The following RALGAPA2 variants were observed in gnomAD, a reference collection of about 807,000 sequenced individuals.
The protein encoded by RALGAPA2 is Ral GTPase activating protein catalytic subunit alpha 2.
Under a neutral mutation model 230.4 loss-of-function variants are expected in RALGAPA2, and 139 were observed. That is an observed-to-expected ratio of 0.60 (90% confidence interval 0.53 to 0.69). The LOEUF is 0.69. RALGAPA2 is among the 30% of genes least tolerant of loss of function. The probability of loss-of-function intolerance (pLI) is 0.00; values close to 1 mark genes in which losing one functional copy is unlikely to be tolerated. For missense variants in RALGAPA2, 2,163 were observed against 2,276.0 expected, an observed-to-expected ratio of 0.95 and a Z score of 1.01; for synonymous variants, 847 against 837.8, an observed-to-expected ratio of 1.01 and a Z score of -0.19.
chr20:20,559,012 G>A (rs2064172866), intron 23 of RALGAPA2, among the ~76,000 whole-genome samples: 1 of 152,096 alleles, frequency 6.6e-6, no homozygotes, highest in Non-Finnish European at 1.5e-5. Context: ...AACAAAAAAT[G>A]ATTTCTGTTC....
Position 20,414,436 on chromosome 20 carries a change from C to T in RALGAPA2, c.5496-2288G>A, listed in dbSNP as rs796378833. 3.9e-5 allele frequency among the ~76,000 whole-genome samples: 6 copies of T among 152,146 alleles called. No homozygotes were observed. The South Asian group carries it at 8.3e-4, about 21-fold the overall frequency. The stretch of plus-strand genomic sequence containing the variant: ...TTTGCTAACTACTCTGCGGAAGCCA[C>T]GTATCTGGAAAGTGGCTGGCTATGT... On this transcript the variant is annotated intron_variant, in intron 37 of 39. Transcript: ENST00000202677.
intron 34 of RALGAPA2, among the ~76,000 whole-genome samples, 170 bp from the exon 35 acceptor site, chr20:20,503,676 T>TA (rs796146056): frequency 1.3e-5 from 2 of 152,234 alleles, no homozygotes; most frequent in African/African-American, 4.8e-5. Context: ...GTTAAAGAAA[T>TA]AAAAAACATT....
intron 23 of RALGAPA2, among the ~76,000 whole-genome samples, chr20:20,553,228 G>C (rs1196050873): frequency 6.6e-6 from 1 of 152,194 alleles, no homozygotes; most frequent in Non-Finnish European, 1.5e-5. Flanking sequence ...TTACAGGACA[G>C]AGTAATTGGG....
intron 1 of RALGAPA2, among the ~76,000 whole-genome samples, chr20:20,697,084 C>G (rs934457534): frequency 6.6e-6 from 1 of 152,112 alleles, no homozygotes; most frequent in African/African-American, 2.4e-5. Flanking sequence ...CCCATAAGTG[C>G]TAGGGCTTCA....
At chr20:20,646,772 T>TA (rs1444046084) in intron 4 of RALGAPA2, among the ~76,000 whole-genome samples, 4 of 152,174 alleles carry the variant, frequency 2.6e-5, no homozygotes, top group Non-Finnish European at 5.9e-5. Flanking sequence ...AATTGCATTT[T>TA]AAAAAATGCA....
At chr20:20,643,879 A>G (rs2067122406) in intron 4 of RALGAPA2, among the ~76,000 whole-genome samples, 1 of 152,204 alleles carries the variant, frequency 6.6e-6, no homozygotes, top group Non-Finnish European at 1.5e-5. Flanking sequence ...AAAATAATGT[A>G]AAACAATTGC....
intron 37 of RALGAPA2, among the ~76,000 whole-genome samples, chr20:20,456,848 T>A (rs2061133422): frequency 6.6e-6 from 1 of 152,144 alleles, no homozygotes; most frequent in Non-Finnish European, 1.5e-5. Flanking sequence ...CTTTTTTTTT[T>A]TAAGTGACAG....
chr20:20,510,629 T>G (rs1052929914), intron 33 of RALGAPA2, among the ~76,000 whole-genome samples: 11 of 152,172 alleles, frequency 7.2e-5, no homozygotes, highest in African/African-American at 2.7e-4. Context: ...CTATACTTAT[T>G]CTTGACTTAG....
chr20:20,591,070 T>C, intron 17 of RALGAPA2, 107 bp downstream of exon 17: 1 of 1,286,472 alleles, frequency 7.8e-7, no homozygotes, highest in Non-Finnish European at 1.0e-6. Context: ...GGTAATTCCC[T>C]TGAAATAAAT....
intron 1 of RALGAPA2, among the ~76,000 whole-genome samples, chr20:20,700,692 C>G (rs746083967): frequency 1.3e-5 from 2 of 152,228 alleles, no homozygotes; most frequent in Admixed American, 1.3e-4. Flanking sequence ...TTTACGAACA[C>G]CAATCTCTTC....
intron 23 of RALGAPA2, among the ~76,000 whole-genome samples, chr20:20,549,535 TG>T (rs747784844): frequency 2.6e-5 from 4 of 151,792 alleles, no homozygotes; most frequent in African/African-American, 4.8e-5. Context: ...GGAGGGTAAA[TG>T]GGGGGGTTAA....
chr20:20,560,086 G>C (rs918998549), intron 23 of RALGAPA2, among the ~76,000 whole-genome samples: 4 of 152,152 alleles, frequency 2.6e-5, no homozygotes, highest in Non-Finnish European at 4.4e-5. Flanking sequence ...TGACCTGTTA[G>C]GGGAAGGGAA....
intron 4 of RALGAPA2, among the ~76,000 whole-genome samples, chr20:20,652,685 A>C (rs1239520806): frequency 6.6e-6 from 1 of 152,222 alleles, no homozygotes; most frequent in Non-Finnish European, 1.5e-5. Context: ...TGAAGGAGAC[A>C]CTGTTTAAAA....
chr20:20,396,395 G>C (rs554569952), intron 39 of RALGAPA2, among the ~76,000 whole-genome samples: 1 of 152,290 alleles, frequency 6.6e-6, no homozygotes, highest in African/African-American at 2.4e-5. Flanking sequence ...CCCAGCGCCC[G>C]CTGGCTCCCT....
rs140965431 is a variant in RALGAPA2, at chr20:20,686,062, A to T, written c.107-5261T>A. 1.9e-3 allele frequency among the ~76,000 whole-genome samples: 284 copies of T among 152,132 alleles called. 1 individual carries two copies. Among genetic ancestry groups the T allele is most frequent in the African/African-American group, 6.6e-3 (274 of 41,478 alleles). ...AGATAATCTTCTACATACCACCCAA[A>T]ATCACCCTCTTCCACTCCTTTGTCC... is the stretch of plus-strand genomic sequence containing the variant. On this transcript the variant is annotated intron_variant, in intron 1 of 39. Transcript: ENST00000202677.
chr20:20,494,274 T>G (rs567059655), intron 36 of RALGAPA2, among the ~76,000 whole-genome samples: 1 of 152,154 alleles, frequency 6.6e-6, no homozygotes, highest in Non-Finnish European at 1.5e-5. Context: ...TTCAGCTCCT[T>G]CAGGAGAACA....
chr20:20,590,192 A>C (rs1278021932), intron 17 of RALGAPA2, among the ~76,000 whole-genome samples: 1 of 152,124 alleles, frequency 6.6e-6, no homozygotes, highest in African/African-American at 2.4e-5. Context: ...ACCATACTGT[A>C]CAACACATTT....
In RALGAPA2 at chr20:20,605,373, A is replaced by G. The variant is rs2065788224; in HGVS notation, c.1840T>C (p.Tyr614His). The G allele has an allele frequency of 1.2e-6, 2 of 1,613,880 alleles. No homozygotes were observed. The highest frequency in any genetic ancestry group is 1.7e-6 in the Non-Finnish European group (2 of 1,179,828). Reference sequence around the variant, plus strand: ...TCATCCCAGAGCTCTCGAGAAATGTACACACAGAGGTTTGCTCGGATCCAA... The same window carrying G: ...TCATCCCAGAGCTCTCGAGAAATGTGCACACAGAGGTTTGCTCGGATCCAA... ...VAWIRANLCV[Y>H]ISRELWDDFL... The change falls in exon 15 of 40, where the codon TAC becomes CAC. Residue 614 changes from tyrosine to histidine, a missense_variant. By Grantham distance (83) the Tyr-to-His change is moderately conservative (BLOSUM62 2). Transcript: ENST00000202677.
chr20:20,684,864 A>G (rs2068645495), intron 1 of RALGAPA2, among the ~76,000 whole-genome samples: 1 of 152,216 alleles, frequency 6.6e-6, no homozygotes, highest in Non-Finnish European at 1.5e-5. Flanking sequence ...TACTTAACAC[A>G]TTTGTTAAAT....
Sources: allele counts gnomAD v4.1 joint callset (sites outside exome capture counted in the v4.1 genomes callset), GRCh38; gene constraint gnomAD v4.1.1; transcripts MANE v1.5; gene names NCBI Gene and HGNC (gene_info 2026-07-23, HGNC 2026-07-21).